ZNFX1: variants seen among roughly 807,000 people sequenced by gnomAD.
ZNFX1 encodes zinc finger NFX1-type containing 1.
A neutral mutation model predicts 179.8 loss-of-function variants in ZNFX1; 78 were observed. The ratio of observed to expected loss-of-function variants is 0.43; its 90% CI spans 0.36 to 0.52. The LOEUF (loss-of-function observed/expected upper bound fraction) is 0.52, where lower values mean the gene tolerates loss of function less well. ZNFX1 is among the 20% of genes least tolerant of loss of function. The pLI is 0.00. For missense variants in ZNFX1, 1,927 were observed against 2,386.6 expected (o/e 0.81, Z 4.01); for synonymous variants, 848 against 868.5 (o/e 0.98, Z 0.42).
At chr20:49,265,548 C>A (rs953021035) in intron 4 of ZNFX1, among the ~76,000 whole-genome samples, 2 of 151,796 alleles carry the variant, frequency 1.3e-5, no homozygotes, top group Non-Finnish European at 2.9e-5. Context: ...AAAGATTTAT[C>A]TAGGTGAAAG....
Position 49,246,923 on chromosome 20 carries a change from C to A in ZNFX1, c.*344G>T. Reference sequence around the variant, plus strand: ...TGCTCCTGTCGCCCAGACTGGAGTGCAATGGCATGATCTCAGCTCACTGCA... The same window carrying A: ...TGCTCCTGTCGCCCAGACTGGAGTGAAATGGCATGATCTCAGCTCACTGCA... On this transcript the variant is annotated 3_prime_UTR_variant, in exon 14 of 14. Transcript: ENST00000396105. The A allele has an allele frequency of 2.1e-6, 1 of 465,302 alleles. No individual in the cohort carries two copies. The allele number at this position is 465,302 out of a possible 1,614,324, so 28.8% of individuals were successfully genotyped here.
Position 49,248,191 on chromosome 20 carries a change from T to G in ZNFX1, c.4833A>C (p.Glu1611Asp). 1 of 1,614,198 alleles carries G rather than the reference T, an allele frequency of 6.2e-7. No homozygotes were observed. The highest frequency in any genetic ancestry group is 8.5e-7 in the Non-Finnish European group (1 of 1,180,034). ...DRYMNEQKDD[E>D]VAIRLKVCPI... ...GGCAGACTTTCAATCTGATGGCGAC[T>G]TCATCATCCTTCTGTTCATTCATGT... The change falls in exon 14 of 14, where the codon GAA becomes GAC. Residue 1611 changes from glutamate (E) to aspartate (D), a missense_variant. Coordinates refer to ENST00000396105, the MANE Select transcript of ZNFX1 (RefSeq NM_021035.3). The surrounding 1 kb of genome is among the most constrained non-coding windows in gnomAD (Gnocchi z 4.6).
intron 7 of ZNFX1, among the ~76,000 whole-genome samples, chr20:49,258,113 T>TTTA (rs1981017580): frequency 6.6e-6 from 1 of 151,394 alleles, no homozygotes; most frequent in Non-Finnish European, 1.5e-5. Context: ...TTTTTTTTTT[T>TTTA]TGAGACGGAG....
At chr20:49,259,243 T>C (rs1350572313) in intron 7 of ZNFX1, among the ~76,000 whole-genome samples, 3 of 151,840 alleles carry the variant, frequency 2.0e-5, no homozygotes, top group East Asian at 3.8e-4. Flanking sequence ...AATAAAAATA[T>C]ATAAAATGAA....
chr20:49,259,536 C>T (rs1481762494), intron 7 of ZNFX1, among the ~76,000 whole-genome samples: 1 of 152,140 alleles, frequency 6.6e-6, no homozygotes, highest in Non-Finnish European at 1.5e-5. Context: ...ATCCTCTCGC[C>T]TCAGCCACCT....
At chr20:49,276,860 C>G (rs1457058723) in intron 1 of ZNFX1, among the ~76,000 whole-genome samples, 5 of 152,204 alleles carry the variant, frequency 3.3e-5, no homozygotes, top group Non-Finnish European at 5.9e-5. Context: ...CCTCCCTCAT[C>G]TTATCAAACC....
At chr20:49,277,351 G>A (rs1981597393) in intron 1 of ZNFX1, among the ~76,000 whole-genome samples, 1 of 151,712 alleles carries the variant, frequency 6.6e-6, no homozygotes, top group African/African-American at 2.4e-5. Context: ...CGGGGTTATG[G>A]GGGCCTTGGG....
At position 49,248,350 on chromosome 20, in the gene ZNFX1, G is replaced by A; in HGVS notation, c.4674C>T (p.Cys1558=). Residue 1558 remains cysteine, a synonymous_variant, in exon 14 of 14, where the codon TGC becomes TGT. Coordinates refer to ENST00000396105, the MANE Select transcript of ZNFX1 (RefSeq NM_021035.3). This position sits in a 1 kb window ranked among gnomAD's most constrained non-coding sequence, Gnocchi z 4.6. ...TGTGGCAGATCCGGCATTTCTTGGG[G>A]CATGGCTCCCCACAGAGACCAATGC... ...HPCIGLCGEP[C]PKKCRICHMD... is the part of the protein sequence containing the mutation. 4 of 1,613,956 alleles carry A rather than the reference G, an allele frequency of 2.5e-6. No individual in the cohort carries two copies. Among genetic ancestry groups the A allele is most frequent in the Non-Finnish European group, 3.4e-6 (4 of 1,179,892 alleles).
At chr20:49,252,694 G>T in intron 12 of ZNFX1, 26 bp downstream of exon 12, 2 of 1,587,146 alleles carry the variant, frequency 1.3e-6, no homozygotes, top group Non-Finnish European at 1.7e-6. Context: ...TGGGCATTTG[G>T]TAACAACAGA....
rs1463953452 is a variant in ZNFX1 at position 49,270,284 on chromosome 20, C to T, written c.1528G>A (p.Ala510Thr). 2 of 1,614,078 alleles carry T rather than the reference C, an allele frequency of 1.2e-6. No individual in the cohort carries two copies. Among genetic ancestry groups the T allele is most frequent in the Non-Finnish European group, 1.7e-6 (2 of 1,180,036 alleles). ...ACGTGCCTGTAGGCCTCAAAGTATG[C>T]AGTTGTCTCTACCATGAGGAAAGAG... is the stretch of plus-strand genomic sequence containing the variant. Reference protein sequence around the residue: ...SDSFLMVETTAYFEAYRHVLE... With the variant: ...SDSFLMVETTTYFEAYRHVLE... The change falls in exon 3 of 14, where the codon GCA becomes ACA. Residue 510 changes from alanine to threonine, a missense_variant. By Grantham distance (58) the Ala-to-Thr change is moderately conservative. Coordinates refer to ENST00000396105, the MANE Select transcript of ZNFX1 (RefSeq NM_021035.3). The surrounding 1 kb of genome is among the most constrained non-coding windows in gnomAD (Gnocchi z 4.6).
chr20:49,252,020 A>T (rs950107010), intron 12 of ZNFX1, among the ~76,000 whole-genome samples: 1 of 151,780 alleles, frequency 6.6e-6, no homozygotes, highest in Non-Finnish European at 1.5e-5. Flanking sequence ...TTTAGCAGAG[A>T]CAGTGTTTCG....
rs565216640 is a variant in ZNFX1 at position 49,271,823 on chromosome 20, G to A, written c.62-73C>T. The A allele has an allele frequency of 8.7e-6, 13 of 1,488,860 alleles. No individual in the cohort carries two copies. In the African/African-American group the frequency reaches 1.4e-4, roughly 16 times the overall value. 92.2% of individuals were successfully genotyped at this position (1,488,860 alleles called of 1,614,324 possible). A position where few individuals can be genotyped will look rare whatever the true frequency, so the allele number is the denominator to read the frequency against. On this transcript the variant is annotated intron_variant, in intron 2 of 13. Transcript: ENST00000396105. The stretch of plus-strand genomic sequence containing the variant: ...GAAACCCAACAGAACGACAATGAAC[G>A]TGCTTTCATTTTCCAAAATAACTAA...
chr20:49,255,988 G>A, intron 8 of ZNFX1, 41 bp from the exon 9 acceptor site: 1 of 1,604,830 alleles, frequency 6.2e-7, no homozygotes, highest in Non-Finnish European at 8.5e-7. Context: ...TCTGAGCAGA[G>A]GCAGGCTTGG....
At chr20:49,267,960 G>A (rs1288694070) in intron 3 of ZNFX1, among the ~76,000 whole-genome samples, 1 of 150,950 alleles carries the variant, frequency 6.6e-6, no homozygotes, top group Admixed American at 6.6e-5. Flanking sequence ...TGCAAGCTCC[G>A]CCTCCTGGGT....
chr20:49,254,888 A>C (rs1407779092), intron 9 of ZNFX1, among the ~76,000 whole-genome samples: 1 of 152,166 alleles, frequency 6.6e-6, no homozygotes, highest in Non-Finnish European at 1.5e-5. Context: ...GGAAGAAAAT[A>C]AGAGACTTTA....
intron 7 of ZNFX1, among the ~76,000 whole-genome samples, chr20:49,259,435 T>TC (rs1046920257): frequency 3.3e-5 from 5 of 149,652 alleles, no homozygotes; most frequent in African/African-American, 1.2e-4. Flanking sequence ...TAACTTGCCT[T>TC]TTTTTTTTTT....
intron 2 of ZNFX1, among the ~76,000 whole-genome samples, chr20:49,273,267 G>A (rs933139904): frequency 6.6e-6 from 1 of 151,952 alleles, no homozygotes; most frequent in Non-Finnish European, 1.5e-5. Context: ...TGAGTAGCTG[G>A]GACTACAGGT....
chr20:49,255,793 T>C lies in ZNFX1; in HGVS notation c.2804+15A>G. 1.2e-6 allele frequency: 2 copies of C among 1,601,964 alleles called. No homozygotes were observed. Among genetic ancestry groups the C allele is most frequent in the South Asian group, 2.2e-5 (2 of 89,956 alleles). ...GAACTCCCTACATGGGTTGGCTAGA[T>C]GTGGAACACAGTACCTATAAAGCTG... is the stretch of plus-strand genomic sequence containing the variant. On this transcript the variant is annotated intron_variant, in intron 9 of 13. Coordinates refer to ENST00000396105, the MANE Select transcript of ZNFX1 (RefSeq NM_021035.3).
rs745390389 is a variant in ZNFX1, at chr20:49,269,939, T to C, written c.1870+3A>G. 1 of 1,587,664 alleles carries C rather than the reference T, an allele frequency of 6.3e-7. No homozygotes were observed. ...TTATGTACTCTAAAAAATTTTGTCT[T>C]ACCTGTTCCAGGAGGTCCTTGAATA... On this transcript the variant is annotated splice_donor_region_variant and intron_variant, in intron 3 of 13. Transcript: ENST00000396105.
Sources: allele counts gnomAD v4.1 joint callset (sites outside exome capture counted in the v4.1 genomes callset), GRCh38; gene constraint gnomAD v4.1.1; non-coding constraint Gnocchi (gnomAD v3.1); transcripts MANE v1.5; gene names NCBI Gene and HGNC (gene_info 2026-07-23, HGNC 2026-07-21).